RANBP3: variants seen among roughly 807,000 people sequenced by gnomAD.
The protein encoded by RANBP3 is RAN binding protein 3, also known as ran-binding protein 3.
In RANBP3, 14 loss-of-function variants were observed where a neutral mutation model predicts 77.3. The ratio of observed to expected loss-of-function variants is 0.18; its 90% CI spans 0.12 to 0.28. The LOEUF (loss-of-function observed/expected upper bound fraction) is 0.28, where lower values mean the gene tolerates loss of function less well. Among genes scored for constraint, RANBP3 ranks in the 10% least tolerant of loss-of-function variants. The pLI, the probability that RANBP3 is intolerant of heterozygous loss-of-function variation, is 1.00. For missense variants in RANBP3, 586 were observed against 752.3 expected, an observed-to-expected ratio of 0.78 and a Z score of 2.59; for synonymous variants, 315 against 312.4, an observed-to-expected ratio of 1.01 and a Z score of -0.09.
intron 10 of RANBP3, 178 bp from the exon 11 acceptor site, chr19:5,925,083 C>T (rs2057884907): frequency 3.1e-6 from 2 of 655,180 alleles, no homozygotes; most frequent in South Asian, 3.4e-5. Flanking sequence ...CCATTGAAAA[C>T]ATTAACCCTT....
In RANBP3 at chr19:5,933,418, G is replaced by A. The variant is rs768132806; in HGVS notation, c.468C>T (p.Ser156=). Residue 156 remains serine (S), a synonymous_variant, in exon 6 of 17, where the codon AGC becomes AGT. Coordinates refer to ENST00000340578, the MANE Select transcript of RANBP3 (RefSeq NM_007322.3). The part of the protein sequence containing the change: ...PPTLIHGQAP[S]AGLPSQKPKE... ...CCAGGGAGGTAGACGACCTACCTGCGCTGGGGGCTTGGCCGTGGATCAGCG... is the reference window on the plus strand; with the variant it reads ...CCAGGGAGGTAGACGACCTACCTGCACTGGGGGCTTGGCCGTGGATCAGCG... 2.5e-6 allele frequency: 4 copies of A among 1,612,532 alleles called. No individual in the cohort carries two copies. The Admixed American group carries it at 5.0e-5, about 20-fold the overall frequency.
intron 1 of RANBP3, among the ~76,000 whole-genome samples, chr19:5,962,242 C>A (rs1231057050): frequency 6.6e-6 from 1 of 152,148 alleles, no homozygotes; most frequent in East Asian, 1.9e-4. Context: ...CTGTGCAGGG[C>A]GCCACAGGAA....
In RANBP3 at chr19:5,932,512, G is replaced by A. The variant is rs202177264; in HGVS notation, c.505C>T (p.Arg169Trp). 199 of 1,613,710 alleles carry A rather than the reference G, an allele frequency of 1.2e-4. No homozygotes were observed. Among genetic ancestry groups the A allele is most frequent in the Non-Finnish European group, 1.6e-4 (183 of 1,180,022 alleles). The change falls in exon 7 of 17, where the codon CGG (arginine) becomes TGG (tryptophan). Residue 169 changes from arginine to tryptophan, a missense_variant. Arg to Trp is a moderately radical substitution (Grantham distance 101). Around this residue, in one of 5 missense-constraint regions of RANBP3, gnomAD observed 232 missense variants for 271.7 expected, o/e 0.85. Transcript: ENST00000340578. ...AACACTGCCGGGCGAAGCACGCTCC[G>A]CTGCTGCTCCTTGGGCTTCTGGCTT... The part of the protein sequence containing the change: ...LPSQKPKEQQ[R>W]SVLRPAVLQA...
intron 1 of RANBP3, among the ~76,000 whole-genome samples, chr19:5,973,376 CG>C (rs899521068): frequency 6.6e-6 from 1 of 152,132 alleles, no homozygotes; most frequent in African/African-American, 2.4e-5. Flanking sequence ...ACTCTGCCCC[CG>C]GGGGGACACT....
chr19:5,928,258 T>C, intron 8 of RANBP3, 171 bp from the exon 9 acceptor site: 2 of 731,882 alleles, frequency 2.7e-6, no homozygotes, highest in Non-Finnish European at 4.2e-6. Flanking sequence ...AGCCTGGGAG[T>C]TGTAGTGAGC....
Position 5,917,634 on chromosome 19 carries a change from G to T in RANBP3, c.1680C>A (p.Asp560Glu), listed in dbSNP as rs560054817. 15 of 1,606,000 alleles carry T rather than the reference G, an allele frequency of 9.3e-6. No individual in the cohort carries two copies. The highest frequency in any genetic ancestry group is 1.3e-5 in the Non-Finnish European group (15 of 1,178,820). Reference protein sequence around the residue: ...ATAAGAGDEGDGQTTGST With the variant: ...ATAAGAGDEGEGQTTGST ...GCTATGTGCTCCCGGTCGTCTGCCC[G>T]TCCCCTTCGTCACCAGCACCTGCAG... is the stretch of plus-strand genomic sequence containing the variant. Residue 560 changes from aspartate to glutamate, a missense_variant, in exon 17 of 17, where the codon GAC becomes GAA. Around this residue, in one of 5 missense-constraint regions of RANBP3, gnomAD observed 128 missense variants for 157.0 expected, o/e 0.82. Coordinates refer to ENST00000340578, the MANE Select transcript of RANBP3 (RefSeq NM_007322.3).
At chr19:5,931,183 C>T (rs1290043764) in intron 8 of RANBP3, among the ~76,000 whole-genome samples, 2 of 152,348 alleles carry the variant, frequency 1.3e-5, no homozygotes, top group South Asian at 2.1e-4. Context: ...CACTCTTCTT[C>T]TGCCTGACCA....
chr19:5,944,140 C>T (rs1038218525), intron 3 of RANBP3, among the ~76,000 whole-genome samples: 2 of 152,216 alleles, frequency 1.3e-5, no homozygotes, highest in Non-Finnish European at 2.9e-5. Context: ...TTATAATGCT[C>T]GTGACCCACA....
At chr19:5,925,830 G>T in intron 9 of RANBP3, 93 bp from the exon 10 acceptor site, 1 of 1,002,840 alleles carries the variant, frequency 1.0e-6, no homozygotes, top group Non-Finnish European at 1.5e-6. Context: ...GCTGCATGGA[G>T]CTGCTCGGAG....
At position 5,923,447 on chromosome 19, in the gene RANBP3, G is replaced by C. The variant is rs2057854456; in HGVS notation, c.1100-144C>G. ...GCAGGCCTGCCCCGGCAACCCAAGT[G>C]GACCCTAGACACAGCCAGAGCATAT... On this transcript the variant is annotated intron_variant, in intron 12 of 16. Transcript: ENST00000340578. 6 of 734,816 alleles carry C rather than the reference G, an allele frequency of 8.2e-6. No individual in the cohort carries two copies. The South Asian group carries it at 8.6e-5, about 10-fold the overall frequency. The allele number at this position is 734,816 out of a possible 1,614,324, so 45.5% of individuals were successfully genotyped here.
chr19:5,972,892 C>T (rs185131485), intron 1 of RANBP3, among the ~76,000 whole-genome samples: 37 of 152,302 alleles, frequency 2.4e-4, no homozygotes, highest in African/African-American at 7.2e-4. Flanking sequence ...ACGAGGGTGC[C>T]GGGAAAATCC....
At chr19:5,926,346 C>T (rs924708503) in intron 9 of RANBP3, among the ~76,000 whole-genome samples, 8 of 151,958 alleles carry the variant, frequency 5.3e-5, no homozygotes, top group Admixed American at 2.6e-4. Context: ...GTCAGGAATT[C>T]GAGACCAGCC....
intron 1 of RANBP3, 25 bp downstream of exon 1, chr19:5,978,036 C>G (rs773200765): frequency 3.7e-6 from 6 of 1,609,166 alleles, no homozygotes; most frequent in African/African-American, 1.3e-5. Flanking sequence ...GGCCGCCAGC[C>G]GGTCCCCAAC....
chr19:5,940,864 G>C (rs1435103339), intron 5 of RANBP3, among the ~76,000 whole-genome samples: 1 of 152,260 alleles, frequency 6.6e-6, no homozygotes, highest in Non-Finnish European at 1.5e-5. Context: ...CAAATCTGCA[G>C]AGTTGTGCCC....
chr19:5,933,381 C>A, intron 6 of RANBP3, 33 bp downstream of exon 6: 1 of 1,571,076 alleles, frequency 6.4e-7, no homozygotes, highest in Non-Finnish European at 8.6e-7. Context: ...CGTCAGAGAG[C>A]CACCCCCCGC....
chr19:5,918,643 A>G lies in RANBP3; in HGVS notation c.1331-5T>C, dbSNP rs371329047. 9.5e-5 allele frequency: 153 copies of G among 1,613,190 alleles called. No homozygotes were observed. Among genetic ancestry groups the G allele is most frequent in the Non-Finnish European group, 1.2e-4 (141 of 1,179,666 alleles). ...GGCTCCCCTGGGTCCGCATCACTAC[A>G]ACCAACAAGGCCACTCAGCCCTGGC... On this transcript the variant is annotated splice_region_variant and splice_polypyrimidine_tract_variant and intron_variant, in intron 14 of 16. Coordinates refer to ENST00000340578, the MANE Select transcript of RANBP3 (RefSeq NM_007322.3).
chr19:5,923,767 G>A, intron 12 of RANBP3, 45 bp downstream of exon 12: 2 of 1,497,542 alleles, frequency 1.3e-6, no homozygotes, highest in Non-Finnish European at 1.9e-6. Context: ...CATCCCCCAA[G>A]ATGACCTACC....
Position 5,924,707 on chromosome 19 carries a change from C to A in RANBP3, c.996+120G>T. ...AGGGTCTTCCCTCTCTCACTTGCTA[C>A]TGAAGGCATCCCCATCTCACATAGG... is the stretch of plus-strand genomic sequence containing the variant. On this transcript the variant is annotated intron_variant, in intron 11 of 16. Coordinates refer to ENST00000340578, the MANE Select transcript of RANBP3 (RefSeq NM_007322.3). The surrounding 1 kb of genome is among the most constrained non-coding windows in gnomAD (Gnocchi z 4.7). The A allele has an allele frequency of 9.8e-7, 1 of 1,018,152 alleles. No individual in the cohort carries two copies. The highest frequency in any genetic ancestry group is 1.5e-6 in the Non-Finnish European group (1 of 650,944). The allele number at this position is 1,018,152 out of a possible 1,614,324, so 63.1% of individuals were successfully genotyped here.
intron 1 of RANBP3, among the ~76,000 whole-genome samples, chr19:5,963,588 ACGCTTCTCAAAGTTATTTGACTAGGG>A (rs1259942148): frequency 6.6e-6 from 1 of 152,154 alleles, no homozygotes; most frequent in Non-Finnish European, 1.5e-5. Context: ...ATTTGACCAG[ACGCTTCTCAAAGTTATTTGACTAGGG>A]AGTCCCCCCC....
Sources: gnomAD v4.1 joint callset for allele counts (sites outside exome capture counted in the v4.1 genomes callset) on GRCh38, gnomAD v4.1.1 for gene constraint, gnomAD v4.1.1 regional missense constraint, Gnocchi (gnomAD v3.1) non-coding constraint, MANE v1.5 for transcripts, NCBI Gene and HGNC (gene_info 2026-07-23, HGNC 2026-07-21) for gene names.